The following SNX7 variants were observed in gnomAD, a reference collection of about 807,000 sequenced individuals.
SNX7 encodes sorting nexin 7.
A neutral mutation model predicts 48.4 loss-of-function variants in SNX7; 35 were observed. The observed-to-expected ratio is 0.72, with a 90% CI of 0.55 to 0.96. The LOEUF is 0.96. SNX7 is among the 40% of genes least tolerant of loss of function. SNX7 has a pLI of 0.00. For synonymous variants in SNX7, 190 were observed against 190.2 expected (o/e 1.00, Z 0.01); for missense variants, 553 against 548.9 (o/e 1.01, Z -0.07).
chr1:98,745,464 G>A (rs1654265760), intron 8 of SNX7, among the ~76,000 whole-genome samples: 2 of 151,936 alleles, frequency 1.3e-5, no homozygotes, highest in Admixed American at 1.3e-4. Flanking sequence ...CTAGACCTCA[G>A]GAGACAGACG....
intron 8 of SNX7, among the ~76,000 whole-genome samples, chr1:98,740,357 G>C (rs1180238657): frequency 6.6e-6 from 1 of 152,050 alleles, no homozygotes; most frequent in Non-Finnish European, 1.5e-5. Context: ...TGTTAAGAAA[G>C]TCAACATGTG....
chr1:98,733,245 C>G (rs945805184), intron 7 of SNX7, among the ~76,000 whole-genome samples: 5 of 152,124 alleles, frequency 3.3e-5, no homozygotes, highest in African/African-American at 1.2e-4. Flanking sequence ...ATTTGTTCTT[C>G]CAGTTAACCT....
At chr1:98,743,971 C>T (rs1158744637) in intron 8 of SNX7, among the ~76,000 whole-genome samples, 6 of 151,982 alleles carry the variant, frequency 3.9e-5, no homozygotes, top group Non-Finnish European at 8.8e-5. Flanking sequence ...AGATTCCTGT[C>T]AGAAATTTCA....
intron 7 of SNX7, among the ~76,000 whole-genome samples, chr1:98,716,284 C>A (rs1652586503): frequency 6.6e-6 from 1 of 152,082 alleles, no homozygotes; most frequent in African/African-American, 2.4e-5. Context: ...ATATGGTGCC[C>A]TCTTCATCCT....
chr1:98,692,786 T>C (rs1651216238), intron 4 of SNX7, among the ~76,000 whole-genome samples: 1 of 152,204 alleles, frequency 6.6e-6, no homozygotes, highest in Non-Finnish European at 1.5e-5. Flanking sequence ...TTTATGTTTG[T>C]TTACATTTCT....
chr1:98,728,647 A>G (rs777881643), intron 7 of SNX7, among the ~76,000 whole-genome samples: 3 of 152,192 alleles, frequency 2.0e-5, no homozygotes, highest in Non-Finnish European at 4.4e-5. Flanking sequence ...AGGGGTTGCA[A>G]TCCTAGTTTC....
At chr1:98,697,082 T>G (rs561265097) in intron 5 of SNX7, among the ~76,000 whole-genome samples, 1 of 152,206 alleles carries the variant, frequency 6.6e-6, no homozygotes, top group East Asian at 1.9e-4. Flanking sequence ...TGACTGACAT[T>G]GACATATATT....
chr1:98,675,346 A>G (rs112035072), intron 1 of SNX7, among the ~76,000 whole-genome samples: 1 of 152,188 alleles, frequency 6.6e-6, no homozygotes, highest in Admixed American at 6.5e-5. Flanking sequence ...TGAGGTTTTA[A>G]GAATGCTTTT....
intron 1 of SNX7, among the ~76,000 whole-genome samples, chr1:98,679,807 G>A (rs1291091926): frequency 6.6e-6 from 1 of 152,180 alleles, no homozygotes; most frequent in African/African-American, 2.4e-5. Context: ...TGCCCCTGTG[G>A]CTTTGCAGGG....
At chr1:98,688,596 A>G (rs1650936514) in intron 2 of SNX7, among the ~76,000 whole-genome samples, 1 of 152,176 alleles carries the variant, frequency 6.6e-6, no homozygotes. Context: ...CTAAATAATG[A>G]GTTTAGAATA....
intron 8 of SNX7, among the ~76,000 whole-genome samples, chr1:98,756,300 A>G (rs1003860152): frequency 6.6e-6 from 1 of 151,614 alleles, no homozygotes; most frequent in South Asian, 2.1e-4. Context: ...TTTTTAATTC[A>G]TTAGATTTTA....
intron 7 of SNX7, among the ~76,000 whole-genome samples, chr1:98,719,561 C>G (rs1440069782): frequency 6.6e-6 from 1 of 152,006 alleles, no homozygotes; most frequent in Non-Finnish European, 1.5e-5. Flanking sequence ...AATTCTTGAT[C>G]TCTGTCTTTC....
intron 8 of SNX7, among the ~76,000 whole-genome samples, chr1:98,740,959 A>G (rs1190735352): frequency 6.6e-6 from 1 of 152,134 alleles, no homozygotes; most frequent in African/African-American, 2.4e-5. Flanking sequence ...GATTTGGCAC[A>G]TCAGTCCAGT....
intron 1 of SNX7, among the ~76,000 whole-genome samples, chr1:98,676,988 T>A (rs1411003744): frequency 6.6e-6 from 1 of 152,184 alleles, no homozygotes; most frequent in African/African-American, 2.4e-5. Context: ...GATTTAATAT[T>A]CAAATACATC....
At chr1:98,719,687 C>G (rs1052827113) in intron 7 of SNX7, among the ~76,000 whole-genome samples, 1 of 151,416 alleles carries the variant, frequency 6.6e-6, no homozygotes, top group Non-Finnish European at 1.5e-5. Flanking sequence ...TCAGGTTTAT[C>G]TATCTTTTTC....
intron 8 of SNX7, among the ~76,000 whole-genome samples, chr1:98,754,932 G>T (rs1654768842): frequency 6.6e-6 from 1 of 151,448 alleles, no homozygotes. Context: ...TCATGTGTAG[G>T]CATTTAGTGC....
intron 7 of SNX7, among the ~76,000 whole-genome samples, chr1:98,719,987 A>C (rs368598835): frequency 4.0e-5 from 6 of 151,280 alleles, no homozygotes; most frequent in African/African-American, 1.5e-4. Context: ...CCCGTTATCT[A>C]TTGAATAATC....
At chr1:98,738,515 G>A (rs1468542514) in intron 8 of SNX7, 126 bp downstream of exon 8, 17 of 901,496 alleles carry the variant, frequency 1.9e-5, no homozygotes, top group Non-Finnish European at 2.6e-5. Flanking sequence ...TGGTAGCTTG[G>A]TTTTGATGAA....
chr1:98,666,880 A>G (rs1180734263), intron 1 of SNX7, among the ~76,000 whole-genome samples: 4 of 152,210 alleles, frequency 2.6e-5, no homozygotes, highest in Non-Finnish European at 5.9e-5. Flanking sequence ...TAGGAAACCC[A>G]TGTTACATTG....
Sources: gnomAD v4.1 joint callset for allele counts (sites outside exome capture counted in the v4.1 genomes callset) on GRCh38, gnomAD v4.1.1 for gene constraint, MANE v1.5 for transcripts, NCBI Gene and HGNC (gene_info 2026-07-23, HGNC 2026-07-21) for gene names.